BEGAIN: variants seen among roughly 807,000 people sequenced by gnomAD.
The protein encoded by BEGAIN is brain-enriched guanylate kinase-associated protein.
Under a neutral mutation model 35.8 loss-of-function variants are expected in BEGAIN, and 19 were observed. That is an observed-to-expected ratio of 0.53 (90% CI 0.37 to 0.78). The LOEUF (loss-of-function observed/expected upper bound fraction) is 0.78, where lower values mean the gene tolerates loss of function less well. BEGAIN is among the 30% of genes least tolerant of loss of function. The pLI is 0.00. For synonymous variants in BEGAIN, 462 were observed against 388.6 expected (o/e 1.19, Z -2.22); for missense variants, 795 against 853.6 (o/e 0.93, Z 0.85).
At chr14:100,545,230 G>C in intron 3 of BEGAIN, 164 bp from the exon 4 acceptor site, 1 of 1,455,050 alleles carries the variant, frequency 6.9e-7, no homozygotes, top group Non-Finnish European at 9.0e-7. Flanking sequence ...ACACAGCAGA[G>C]AACATCCCAT....
In BEGAIN at chr14:100,558,747, C is replaced by T. The variant is rs954632555; in HGVS notation, c.71+9164G>A. Among the ~76,000 whole-genome samples, 16 of 152,222 alleles carry T rather than the reference C, an allele frequency of 1.1e-4. No individual in the cohort carries two copies. The highest frequency in any genetic ancestry group is 4.4e-5 in the Non-Finnish European group (3 of 68,028). ...CCTTCCCAGGGTATACCAGGAGCCT[C>T]ACCTTCTAGGACCACCCACCACACC... On this transcript the variant is annotated intron_variant, in intron 2 of 6. Transcript: ENST00000554140. The surrounding 1 kb of genome is among the most constrained non-coding windows in gnomAD (Gnocchi z 4.6).
At position 100,545,005 on chromosome 14, in the gene BEGAIN, G is replaced by A. The variant is rs765621552; in HGVS notation, c.295C>T (p.Arg99Cys). 46 of 1,612,156 alleles carry A rather than the reference G, an allele frequency of 2.9e-5. No individual in the cohort carries two copies. The highest frequency in any genetic ancestry group is 1.6e-4 in the Middle Eastern group (1 of 6,082). Residue 99 changes from arginine (R) to cysteine (C), a missense_variant, in exon 4 of 7, where the codon CGC becomes TGC. Arg to Cys is a radical substitution (Grantham distance 180, BLOSUM62 -3). Transcript: ENST00000554140. ...GCGCTGCGTGGCGGCCTCACCATGC[G>A]GTACAGCTTGTCCTCCAGCTCCTGG... The part of the protein sequence containing the change: ...INQELEDKLY[R>C]MGQHYEEEKR...
Position 100,586,812 on chromosome 14 carries a change from G to A in BEGAIN, c.42+437C>T, listed in dbSNP as rs1297131240. 2.6e-5 allele frequency among the ~76,000 whole-genome samples: 4 copies of A among 152,232 alleles called. No homozygotes were observed. Among genetic ancestry groups the A allele is most frequent in the African/African-American group, 4.8e-5 (2 of 41,572 alleles). The stretch of plus-strand genomic sequence containing the variant: ...CCTTCCGGCTCCCGGGCCTTTCTCC[G>A]GCCTCCCAAGCAGGGGCTGGCCCTG... On this transcript the variant is annotated intron_variant, in intron 1 of 6. Transcript: ENST00000554140. The surrounding 1 kb of genome is among the most constrained non-coding windows in gnomAD (Gnocchi z 4.9).
At chr14:100,578,212 G>A (rs563030985) in intron 1 of BEGAIN, among the ~76,000 whole-genome samples, 1 of 152,330 alleles carries the variant, frequency 6.6e-6, no homozygotes, top group South Asian at 2.1e-4. Flanking sequence ...CGTGTCCTGG[G>A]CTCTGCCTGG....
intron 2 of BEGAIN, among the ~76,000 whole-genome samples, chr14:100,551,286 C>T (rs1165693955): frequency 6.6e-6 from 1 of 152,212 alleles, no homozygotes; most frequent in Non-Finnish European, 1.5e-5. Flanking sequence ...GACGAGTGCC[C>T]TCTTGGTTGT....
At chr14:100,579,929 C>T (rs904903457) in intron 1 of BEGAIN, among the ~76,000 whole-genome samples, 3 of 152,200 alleles carry the variant, frequency 2.0e-5, no homozygotes, top group South Asian at 2.1e-4. Context: ...TGGACATCTG[C>T]GATCATCCCT....
In BEGAIN at chr14:100,568,590, G is replaced by T; in HGVS notation, c.43-651C>A. 8.5e-7 allele frequency: 1 copy of T among 1,177,116 alleles called. No individual in the cohort carries two copies. The allele number at this position is 1,177,116 out of a possible 1,614,324, so 72.9% of individuals were successfully genotyped here. A position where few individuals can be genotyped will look rare whatever the true frequency, so the allele number is the denominator to read the frequency against. ...GCCCGGCTCGCCGGCGGGGCTCCCT[G>T]CCTTGCTTGCGCAGACCCGCCCGCG... On this transcript the variant is annotated intron_variant, in intron 1 of 6. Transcript: ENST00000554140. This position sits in a 1 kb window ranked among gnomAD's most constrained non-coding sequence, Gnocchi z 7.5.
chr14:100,553,864 G>A (rs919336388), intron 2 of BEGAIN, among the ~76,000 whole-genome samples: 7 of 152,094 alleles, frequency 4.6e-5, no homozygotes, highest in African/African-American at 9.7e-5. Context: ...CAGAGGGCGC[G>A]TCCAAACAGG....
intron 2 of BEGAIN, among the ~76,000 whole-genome samples, chr14:100,557,961 G>C (rs937155779): frequency 6.6e-6 from 1 of 152,026 alleles, no homozygotes; most frequent in African/African-American, 2.4e-5. Context: ...ACCCGGTGCC[G>C]CCCACCGTTA....
rs573810291 is a variant in BEGAIN at position 100,538,988 on chromosome 14, C to T, written c.820G>A (p.Gly274Ser). Residue 274 changes from glycine to serine, a missense_variant, in exon 7 of 7, where the codon GGC (glycine) becomes AGC (serine). By Grantham distance (56) the Gly-to-Ser change is moderately conservative (BLOSUM62 0). Transcript: ENST00000554140. ...PSVDAPVTDV[G>S]FLRAQNSTDS... is the part of the protein sequence containing the mutation. Reference sequence around the variant, plus strand: ...GTGGAGTTCTGGGCCCGCAGGAAGCCCACGTCGGTCACGGGCGCGTCCACG... The same window carrying T: ...GTGGAGTTCTGGGCCCGCAGGAAGCTCACGTCGGTCACGGGCGCGTCCACG... 3 of 1,610,532 alleles carry T rather than the reference C, an allele frequency of 1.9e-6. No homozygotes were observed. Among genetic ancestry groups the T allele is most frequent in the Non-Finnish European group, 2.5e-6 (3 of 1,178,882 alleles).
At chr14:100,562,399 G>T (rs953570315) in intron 2 of BEGAIN, among the ~76,000 whole-genome samples, 3 of 152,094 alleles carry the variant, frequency 2.0e-5, no homozygotes, top group Non-Finnish European at 4.4e-5. Context: ...CAGGTGTGCA[G>T]CGGGGCTTTG....
In BEGAIN at chr14:100,568,595, G is replaced by T; in HGVS notation, c.43-656C>A. On this transcript the variant is annotated intron_variant, in intron 1 of 6. Coordinates refer to ENST00000554140, the MANE Select transcript of BEGAIN (RefSeq NM_001385089.1). The surrounding 1 kb of genome is among the most constrained non-coding windows in gnomAD (Gnocchi z 7.5). ...GCTCGCCGGCGGGGCTCCCTGCCTT[G>T]CTTGCGCAGACCCGCCCGCGCGCGG... 4 of 1,138,698 alleles carry T rather than the reference G, an allele frequency of 3.5e-6. No individual in the cohort carries two copies. The highest frequency in any genetic ancestry group is 4.6e-6 in the Non-Finnish European group (4 of 866,928). The allele number at this position is 1,138,698 out of a possible 1,614,324, so 70.5% of individuals were successfully genotyped here.
In BEGAIN at chr14:100,546,610, G is replaced by A; in HGVS notation, c.124C>T (p.His42Tyr). ...ELRKRLSYTT[H>Y]KLEKLETEFD... Reference sequence around the variant, plus strand: ...TCGGTCTCGAGCTTCTCGAGCTTGTGTGTGGTGTAGGACAGCCGCTTGCGC... The same window carrying A: ...TCGGTCTCGAGCTTCTCGAGCTTGTATGTGGTGTAGGACAGCCGCTTGCGC... Residue 42 changes from histidine (H) to tyrosine (Y), a missense_variant, in exon 3 of 7, where the codon CAC becomes TAC. Around this residue, in one of 3 missense-constraint regions of BEGAIN, gnomAD observed 58 missense variants for 62.7 expected, o/e 0.92. Coordinates refer to ENST00000554140, the MANE Select transcript of BEGAIN (RefSeq NM_001385089.1). The A allele has an allele frequency of 6.3e-7, 1 of 1,592,654 alleles. No homozygotes were observed. The highest frequency in any genetic ancestry group is 2.4e-5 in the East Asian group (1 of 42,374).
Position 100,560,071 on chromosome 14 carries a change from T to G in BEGAIN, c.71+7840A>C, listed in dbSNP as rs117737786. 1.0e-3 allele frequency among the ~76,000 whole-genome samples: 155 copies of G among 152,254 alleles called. 1 individual carries two copies. The highest frequency in any genetic ancestry group is 7.6e-3 in the East Asian group (39 of 5,164). ...GGGTCATGTGGACTATTTACTCTGC[T>G]GAATGGTGTGGGCAGGAGAGGGTGG... On this transcript the variant is annotated intron_variant, in intron 2 of 6. Transcript: ENST00000554140.
chr14:100,581,911 G>A (rs992179476), intron 1 of BEGAIN, among the ~76,000 whole-genome samples: 3 of 152,230 alleles, frequency 2.0e-5, no homozygotes, highest in South Asian at 2.1e-4. Flanking sequence ...CAGGCATGCC[G>A]GGCTTCTGCT....
At chr14:100,562,284 G>A (rs367773775) in intron 2 of BEGAIN, among the ~76,000 whole-genome samples, 10 of 152,050 alleles carry the variant, frequency 6.6e-5, no homozygotes, top group South Asian at 2.1e-4. Flanking sequence ...CTGAGTTGTC[G>A]GGGCCCAGAC....
intron 2 of BEGAIN, among the ~76,000 whole-genome samples, chr14:100,565,386 A>G (rs1167575053): frequency 6.6e-6 from 1 of 152,110 alleles, no homozygotes; most frequent in Non-Finnish European, 1.5e-5. Flanking sequence ...AGTGGGAGGG[A>G]CCAGGGAAGA....
intron 2 of BEGAIN, among the ~76,000 whole-genome samples, chr14:100,553,729 C>G (rs1164161462): frequency 6.6e-6 from 1 of 152,210 alleles, no homozygotes; most frequent in East Asian, 1.9e-4. Flanking sequence ...CTCTCTTCCT[C>G]TCCAGGTGCC....
intron 1 of BEGAIN, among the ~76,000 whole-genome samples, chr14:100,575,444 C>A (rs1280992640): frequency 6.6e-6 from 1 of 152,174 alleles, no homozygotes; most frequent in African/African-American, 2.4e-5. Context: ...CATGGAGACA[C>A]TGGGGGGAGT....
Sources: gnomAD v4.1 joint callset for allele counts (sites outside exome capture counted in the v4.1 genomes callset) on GRCh38, gnomAD v4.1.1 for gene constraint, gnomAD v4.1.1 regional missense constraint, Gnocchi (gnomAD v3.1) non-coding constraint, MANE v1.5 for transcripts, NCBI Gene and HGNC (gene_info 2026-07-23, HGNC 2026-07-21) for gene names.